The following ITPRIP variants were observed in gnomAD, a reference collection of about 807,000 sequenced individuals.
ITPRIP encodes the protein inositol 1,4,5-trisphosphate receptor-interacting protein.
ITPRIP carries 32 observed loss-of-function variants against 35.8 expected under a neutral mutation model. The observed-to-expected ratio is 0.89, with a 90% CI of 0.68 to 1.20. ITPRIP has a LOEUF of 1.20. Ranked by LOEUF, ITPRIP falls within the 50% of genes most tolerant of loss-of-function variation. ITPRIP has a pLI of 0.00. For missense variants in ITPRIP, 653 were observed against 735.6 expected (o/e 0.89, Z 1.30); for synonymous variants, 358 against 324.0 (o/e 1.11, Z -1.13).
Position 104,311,016 on chromosome 10 carries a change from C to T in ITPRIP, c.*3392G>A, listed in dbSNP as rs2013472257. The T allele has an allele frequency of 6.6e-6, 1 of 152,392 alleles. No individual in the cohort carries two copies. The highest frequency in any genetic ancestry group is 1.5e-5 in the Non-Finnish European group (1 of 68,166). 9.4% of individuals were successfully genotyped at this position (152,392 alleles called of 1,614,324 possible). A position where few individuals can be genotyped will look rare whatever the true frequency, so the allele number is the denominator to read the frequency against. Reference sequence around the variant, plus strand: ...CTTGGAAGGCCACCTTCTGCTGCCTCTCCTAGGGAACAGGCTTGGTCCTAT... The same window carrying T: ...CTTGGAAGGCCACCTTCTGCTGCCTTTCCTAGGGAACAGGCTTGGTCCTAT... On this transcript the variant is annotated 3_prime_UTR_variant, in exon 2 of 2. Coordinates refer to ENST00000337478, the MANE Select transcript of ITPRIP (RefSeq NM_001272013.2).
chr10:104,313,618 G>A lies in ITPRIP; in HGVS notation c.*790C>T. On this transcript the variant is annotated 3_prime_UTR_variant, in exon 2 of 2. Transcript: ENST00000337478. ...ATAAAGAGAGGTGGGGGGCTGCTGA[G>A]CTGGCACCCAGTGTGGCAAATACCC... The A allele has an allele frequency of 1.0e-6, 1 of 985,544 alleles. No individual in the cohort carries two copies. Among genetic ancestry groups the A allele is most frequent in the Non-Finnish European group, 1.2e-6 (1 of 830,042 alleles). 61.0% of individuals were successfully genotyped at this position (985,544 alleles called of 1,614,324 possible). A position where few individuals can be genotyped will look rare whatever the true frequency, so the allele number is the denominator to read the frequency against.
At position 104,312,957 on chromosome 10, in the gene ITPRIP, C is replaced by A. The variant is rs2013524976; in HGVS notation, c.*1451G>T. On this transcript the variant is annotated 3_prime_UTR_variant, in exon 2 of 2. Transcript: ENST00000337478. ...AAATCTCAAAGGGCCAGTGAAGCCA[C>A]AGGTGGAAAAGAGCCTTCCTGATCC... 3 of 985,400 alleles carry A rather than the reference C, an allele frequency of 3.0e-6. No individual in the cohort carries two copies. Among genetic ancestry groups the A allele is most frequent in the Non-Finnish European group, 3.6e-6 (3 of 829,992 alleles). 61.0% of individuals were successfully genotyped at this position (985,400 alleles called of 1,614,324 possible).
chr10:104,329,700 T>C (rs2014110391), intron 1 of ITPRIP, among the ~76,000 whole-genome samples: 1 of 151,998 alleles, frequency 6.6e-6, no homozygotes, highest in African/African-American at 2.4e-5. Context: ...AGAGAACCAT[T>C]GCTAAGGAGT....
chr10:104,320,468 G>A (rs965368590), intron 1 of ITPRIP, among the ~76,000 whole-genome samples: 1 of 151,676 alleles, frequency 6.6e-6, no homozygotes, highest in Non-Finnish European at 1.5e-5. Context: ...CTCACTTCAA[G>A]TTGTCCCATC....
intron 1 of ITPRIP, among the ~76,000 whole-genome samples, chr10:104,337,722 G>A (rs1264109936): frequency 1.3e-5 from 2 of 151,886 alleles, no homozygotes; most frequent in African/African-American, 4.8e-5. Context: ...TATCCGGCCT[G>A]AAGCAGCCCC....
rs766407621 is a variant in ITPRIP at position 104,314,759 on chromosome 10, G to A, written c.1293C>T (p.Tyr431=). The A allele has an allele frequency of 6.2e-7, 1 of 1,613,944 alleles. No homozygotes were observed. Among genetic ancestry groups the A allele is most frequent in the Non-Finnish European group, 8.5e-7 (1 of 1,179,998 alleles). ...GGTGCAGTAGGGCCGTCTTCAGGTGGTAGCTGCTGAGCCCGCTGGGACCGG... is the reference window on the plus strand; with the variant it reads ...GGTGCAGTAGGGCCGTCTTCAGGTGATAGCTGCTGAGCCCGCTGGGACCGG... The part of the protein sequence containing the change: ...RLTGPSGLSS[Y]HLKTALLHLL... The change falls in exon 2 of 2, where the codon TAC becomes TAT. Residue 431 remains tyrosine, a synonymous_variant. Transcript: ENST00000337478.
intron 1 of ITPRIP, among the ~76,000 whole-genome samples, chr10:104,336,405 C>T (rs1453515587): frequency 1.3e-5 from 2 of 151,504 alleles, no homozygotes; most frequent in African/African-American, 4.9e-5. Flanking sequence ...CGTGCCACCT[C>T]AACCCTACTG....
At chr10:104,321,703 CTTTTTTTTTTTTT>C (rs111255254) in intron 1 of ITPRIP, among the ~76,000 whole-genome samples, 1 of 137,358 alleles carries the variant, frequency 7.3e-6, no homozygotes, top group Admixed American at 7.4e-5. Context: ...CTTTTCTTTT[CTTTTTTTTTTTTT>C]TTTTTGACCA....
intron 1 of ITPRIP, among the ~76,000 whole-genome samples, chr10:104,318,181 T>C (rs1268358888): frequency 6.6e-6 from 1 of 151,784 alleles, no homozygotes; most frequent in Non-Finnish European, 1.5e-5. Context: ...TGCTGGATAA[T>C]GGCAGAAACA....
At chr10:104,335,337 A>G (rs1367292500) in intron 1 of ITPRIP, among the ~76,000 whole-genome samples, 1 of 152,164 alleles carries the variant, frequency 6.6e-6, no homozygotes, top group Admixed American at 6.5e-5. Context: ...GGACTTCAAC[A>G]AGGAAGCAAG....
At chr10:104,337,058 T>G (rs2014250841) in intron 1 of ITPRIP, among the ~76,000 whole-genome samples, 1 of 152,076 alleles carries the variant, frequency 6.6e-6, no homozygotes, top group Non-Finnish European at 1.5e-5. Flanking sequence ...TAGCAAACAA[T>G]GAAAGCCACT....
rs1473411373 is a variant in ITPRIP, at chr10:104,313,209, C to T, written c.*1199G>A. On this transcript the variant is annotated 3_prime_UTR_variant, in exon 2 of 2. Transcript: ENST00000337478. ...GCACACCCTGCCCTAGGATTGGGAC[C>T]CTGAGGACAACCTGGGGCTATGACA... The T allele has an allele frequency of 4.1e-6, 4 of 985,548 alleles. No individual in the cohort carries two copies. The highest frequency in any genetic ancestry group is 4.8e-6 in the Non-Finnish European group (4 of 830,034). 61.1% of individuals were successfully genotyped at this position (985,548 alleles called of 1,614,324 possible).
chr10:104,330,398 C>CCT (rs1265633351), intron 1 of ITPRIP, among the ~76,000 whole-genome samples: 1 of 152,200 alleles, frequency 6.6e-6, no homozygotes, highest in East Asian at 1.9e-4. Flanking sequence ...CCAGACGTAG[C>CCT]CCTGGAGACA....
chr10:104,321,875 G>C (rs1291352307), intron 1 of ITPRIP, among the ~76,000 whole-genome samples: 1 of 152,052 alleles, frequency 6.6e-6, no homozygotes, highest in Non-Finnish European at 1.5e-5. Flanking sequence ...TGCCAGCAAA[G>C]CTCAAGTTTT....
At chr10:104,327,363 T>C (rs959961966) in intron 1 of ITPRIP, among the ~76,000 whole-genome samples, 6 of 152,060 alleles carry the variant, frequency 3.9e-5, no homozygotes, top group African/African-American at 1.2e-4. Flanking sequence ...TTAAGAATGT[T>C]CAAGGCCTGG....
chr10:104,335,042 G>C (rs542773284), intron 1 of ITPRIP, among the ~76,000 whole-genome samples: 1 of 152,304 alleles, frequency 6.6e-6, no homozygotes, highest in East Asian at 1.9e-4. Context: ...ACAGCTAAGA[G>C]CCATGCCCTG....
intron 1 of ITPRIP, 24 bp from the exon 2 acceptor site, chr10:104,316,088 C>T: frequency 6.6e-7 from 1 of 1,519,598 alleles, no homozygotes; most frequent in Non-Finnish European, 8.8e-7. Context: ...GACAGATGGT[C>T]ACACCAAGCT....
chr10:104,313,652 C>G lies in ITPRIP; in HGVS notation c.*756G>C. ...CAGTGTGGCAAATACCCACCACGCTCGGGACCCAGTACGTTGGGGAAAGGA... is the reference window on the plus strand; with the variant it reads ...CAGTGTGGCAAATACCCACCACGCTGGGGACCCAGTACGTTGGGGAAAGGA... On this transcript the variant is annotated 3_prime_UTR_variant, in exon 2 of 2. Transcript: ENST00000337478. 1 of 985,448 alleles carries G rather than the reference C, an allele frequency of 1.0e-6. No homozygotes were observed. The highest frequency in any genetic ancestry group is 1.2e-6 in the Non-Finnish European group (1 of 830,012). 61.0% of individuals were successfully genotyped at this position (985,448 alleles called of 1,614,324 possible). A position where few individuals can be genotyped will look rare whatever the true frequency, so the allele number is the denominator to read the frequency against.
intron 1 of ITPRIP, among the ~76,000 whole-genome samples, chr10:104,325,177 G>A (rs1349507913): frequency 1.3e-5 from 2 of 152,140 alleles, no homozygotes; most frequent in Admixed American, 6.5e-5. Context: ...CTGAAATGGC[G>A]CCACTGCACT....
Sources: allele counts gnomAD v4.1 joint callset (sites outside exome capture counted in the v4.1 genomes callset), GRCh38; gene constraint gnomAD v4.1.1; transcripts MANE v1.5; gene names NCBI Gene and HGNC (gene_info 2026-07-23, HGNC 2026-07-21).